ZC3H12C: variants seen among roughly 807,000 people sequenced by gnomAD.
ZC3H12C encodes the protein zinc finger CCCH-type containing 12C, also known as probable ribonuclease ZC3H12C.
Under a neutral mutation model 76.3 loss-of-function variants are expected in ZC3H12C, and 20 were observed. That is an observed-to-expected ratio of 0.26 (90% CI 0.18 to 0.38). ZC3H12C has a LOEUF of 0.38. Ranked by LOEUF, ZC3H12C falls within the 10% of genes least tolerant of loss-of-function variation. The pLI, the probability that ZC3H12C is intolerant of heterozygous loss-of-function variation, is 1.00. For missense variants in ZC3H12C, 874 were observed against 1,086.5 expected (o/e 0.80, Z 2.75); for synonymous variants, 352 against 399.6 (o/e 0.88, Z 1.42).
intron 2 of ZC3H12C, among the ~76,000 whole-genome samples, chr11:110,149,867 T>C (rs1335867499): frequency 2.6e-5 from 4 of 152,188 alleles, no homozygotes; most frequent in Non-Finnish European, 5.9e-5. Flanking sequence ...TAAAGAACTT[T>C]CATGTGCTCC....
chr11:110,117,916 A>G (rs28691021), intron 1 of ZC3H12C, among the ~76,000 whole-genome samples: 1 of 101,006 alleles, frequency 9.9e-6, no homozygotes, highest in African/African-American at 3.5e-5. Context: ...CATATATATT[A>G]TATATATACA....
At chr11:110,093,871 A>G (rs1861062706) in intron 1 of ZC3H12C, among the ~76,000 whole-genome samples, 1 of 151,818 alleles carries the variant, frequency 6.6e-6, no homozygotes, top group Non-Finnish European at 1.5e-5. Context: ...ATCTCTTGGC[A>G]TCTCGGATCC....
At chr11:110,101,742 G>A (rs1861220614) in intron 1 of ZC3H12C, among the ~76,000 whole-genome samples, 1 of 151,862 alleles carries the variant, frequency 6.6e-6, no homozygotes, top group Admixed American at 6.6e-5. Context: ...TAGAGACGGG[G>A]TTTCACCATA....
chr11:110,127,224 A>G (rs1455046554), intron 1 of ZC3H12C, among the ~76,000 whole-genome samples: 2 of 152,212 alleles, frequency 1.3e-5, no homozygotes, highest in African/African-American at 2.4e-5. Context: ...AGTGCTCCCT[A>G]TATCTACAGC....
chr11:110,138,863 T>C (rs1862019035), intron 2 of ZC3H12C, among the ~76,000 whole-genome samples: 1 of 152,204 alleles, frequency 6.6e-6, no homozygotes, highest in African/African-American at 2.4e-5. Flanking sequence ...CTGGCCTGCA[T>C]TATTCTTTTG....
In ZC3H12C at chr11:110,165,310, C is replaced by T; in HGVS notation, c.2225C>T (p.Ser742Phe). The T allele has an allele frequency of 6.2e-7, 1 of 1,613,994 alleles. No individual in the cohort carries two copies. Among genetic ancestry groups the T allele is most frequent in the Non-Finnish European group, 8.5e-7 (1 of 1,179,882 alleles). Residue 742 changes from serine to phenylalanine, a missense_variant, in exon 6 of 6, where the codon TCC becomes TTC. Physicochemically the swap from Ser to Phe is radical, Grantham distance 155. Around this residue, in one of 3 missense-constraint regions of ZC3H12C, gnomAD observed 395 missense variants for 434.4 expected, o/e 0.91. Coordinates refer to ENST00000278590, the MANE Select transcript of ZC3H12C (RefSeq NM_033390.2). ...TCTAAGGCACCACACCTAGGGAGGT[C>T]CTTGGTGGCCACGAGAATAGACAGC... ...AHSKAPHLGR[S>F]LVATRIDSIS...
chr11:110,165,380 A>C lies in ZC3H12C; in HGVS notation c.2295A>C (p.Arg765Ser). The C allele has an allele frequency of 1.2e-6, 2 of 1,614,026 alleles. No individual in the cohort carries two copies. The highest frequency in any genetic ancestry group is 1.7e-6 in the Non-Finnish European group (2 of 1,179,892). Residue 765 changes from arginine to serine, a missense_variant, in exon 6 of 6, where the codon AGA becomes AGC. Arg to Ser is a moderately radical substitution (Grantham distance 110, BLOSUM62 -1). Transcript: ENST00000278590. ...ATGACAGTTCTCCTTCACGACAAAG[A>C]AAGCCTTATTCCCGCCAGGAAGGCC... is the stretch of plus-strand genomic sequence containing the variant. The part of the protein sequence containing the change: ...RLYDSSPSRQ[R>S]KPYSRQEGLG...
At chr11:110,134,308 A>G (rs1861916114) in intron 1 of ZC3H12C, among the ~76,000 whole-genome samples, 1 of 152,108 alleles carries the variant, frequency 6.6e-6, no homozygotes, top group Non-Finnish European at 1.5e-5. Context: ...TTTTGTTCAT[A>G]CCAAATTATT....
intron 2 of ZC3H12C, among the ~76,000 whole-genome samples, chr11:110,140,593 A>G (rs1052070222): frequency 1.3e-5 from 2 of 152,166 alleles, no homozygotes; most frequent in Non-Finnish European, 2.9e-5. Flanking sequence ...TGTGTTTTTG[A>G]TATGAACAGA....
At chr11:110,124,430 A>G (rs997495946) in intron 1 of ZC3H12C, among the ~76,000 whole-genome samples, 1 of 152,068 alleles carries the variant, frequency 6.6e-6, no homozygotes, top group Non-Finnish European at 1.5e-5. Flanking sequence ...TGGTTGTACT[A>G]TGTAGATTAT....
chr11:110,132,743 T>C (rs972040651), intron 1 of ZC3H12C, among the ~76,000 whole-genome samples: 10 of 152,182 alleles, frequency 6.6e-5, no homozygotes, highest in African/African-American at 2.2e-4. Flanking sequence ...TGGACTATGC[T>C]GCTTCATGAA....
chr11:110,127,646 G>A (rs988050253), intron 1 of ZC3H12C, among the ~76,000 whole-genome samples: 1 of 152,084 alleles, frequency 6.6e-6, no homozygotes. Context: ...TGTAATTCAA[G>A]CACTTTGGGA....
intron 3 of ZC3H12C, among the ~76,000 whole-genome samples, chr11:110,158,663 A>T (rs1343390276): frequency 1.3e-5 from 2 of 152,218 alleles, no homozygotes. Flanking sequence ...TCTCACAGAA[A>T]GGTCATGGGG....
At chr11:110,125,146 T>C (rs1455125313) in intron 1 of ZC3H12C, among the ~76,000 whole-genome samples, 2 of 152,166 alleles carry the variant, frequency 1.3e-5, no homozygotes, top group East Asian at 3.9e-4. Flanking sequence ...CTGTTGCTCA[T>C]AGATGTGAAA....
At chr11:110,100,457 T>G (rs1041428107) in intron 1 of ZC3H12C, among the ~76,000 whole-genome samples, 3 of 152,216 alleles carry the variant, frequency 2.0e-5, no homozygotes, top group Non-Finnish European at 2.9e-5. Flanking sequence ...TTTGGTTCTT[T>G]TTTTGTTTTG....
intron 1 of ZC3H12C, among the ~76,000 whole-genome samples, chr11:110,117,756 T>C (rs1169265805): frequency 4.8e-5 from 5 of 104,058 alleles, no homozygotes; most frequent in Non-Finnish European, 9.9e-5. Context: ...ATATATTATA[T>C]ATACACACAC....
At chr11:110,107,956 C>T (rs1861361331) in intron 1 of ZC3H12C, among the ~76,000 whole-genome samples, 1 of 152,046 alleles carries the variant, frequency 6.6e-6, no homozygotes, top group Admixed American at 6.6e-5. Context: ...AGCCACCATA[C>T]CCAGCCTTTC....
At position 110,159,326 on chromosome 11, in the gene ZC3H12C, G is replaced by A; in HGVS notation, c.984G>A (p.Gly328=). The A allele has an allele frequency of 6.2e-7, 1 of 1,614,050 alleles. No homozygotes were observed. Among genetic ancestry groups the A allele is most frequent in the Non-Finnish European group, 8.5e-7 (1 of 1,180,004 alleles). Residue 328 remains glycine (G), a synonymous_variant, in exon 4 of 6, where the codon GGG becomes GGA. Coordinates refer to ENST00000278590, the MANE Select transcript of ZC3H12C (RefSeq NM_033390.2). ...LVFTPSRRVQ[G]RRVVCYDDRF... ...TCACGCCATCCCGGCGAGTCCAGGG[G>A]AGGAGAGTGGTGTGCTATGACGACA...
At chr11:110,151,680 A>T (rs1398556142) in intron 2 of ZC3H12C, among the ~76,000 whole-genome samples, 2 of 152,080 alleles carry the variant, frequency 1.3e-5, no homozygotes, top group African/African-American at 4.8e-5. Context: ...CTATCGGGTC[A>T]CCCTTCTTAC....
Sources: allele counts gnomAD v4.1 joint callset (sites outside exome capture counted in the v4.1 genomes callset), GRCh38; gene constraint gnomAD v4.1.1; regional missense constraint gnomAD v4.1.1; transcripts MANE v1.5; gene names NCBI Gene and HGNC (gene_info 2026-07-23, HGNC 2026-07-21).